Variants in ATP6V0D2 observed in about 807,000 individuals in gnomAD.
The protein encoded by ATP6V0D2 is V-type proton ATPase subunit d 2.
ATP6V0D2 carries 40 observed loss-of-function variants against 40.0 expected under a neutral mutation model. The observed-to-expected ratio is 1.00, with a 90% CI of 0.78 to 1.30. The LOEUF (loss-of-function observed/expected upper bound fraction) is 1.30. Among genes scored for constraint, ATP6V0D2 ranks in the 50% most tolerant of loss-of-function variants. The pLI is 0.00. For missense variants in ATP6V0D2, 470 were observed against 423.1 expected (o/e 1.11, Z -0.97); for synonymous variants, 179 against 156.3 (o/e 1.15, Z -1.08).
chr8:86,139,585 CAG>C lies in ATP6V0D2; in HGVS notation c.435_436del (p.Glu145AspfsTer7). 1 of 1,613,380 alleles carries C rather than the reference CAG, an allele frequency of 6.2e-7. No individual in the cohort carries two copies. Among genetic ancestry groups the C allele is most frequent in the Non-Finnish European group, 8.5e-7 (1 of 1,179,704 alleles). On this transcript the variant is annotated frameshift_variant, in exon 3 of 8. Coordinates refer to ENST00000285393, the MANE Select transcript of ATP6V0D2 (RefSeq NM_152565.1). LOFTEE classifies it high-confidence loss of function. ...ACAGAAATGGAAGCTGTCAACATTG[CAG>C]AGACACCTTCAGATCTCTTTAATGC...
intron 1 of ATP6V0D2, among the ~76,000 whole-genome samples, chr8:86,100,243 T>G (rs1818378280): frequency 6.6e-6 from 1 of 152,002 alleles, no homozygotes; most frequent in Non-Finnish European, 1.5e-5. Context: ...TTACCAAAGA[T>G]TCCACGTCTG....
chr8:86,116,505 A>G (rs1349315878), intron 2 of ATP6V0D2, among the ~76,000 whole-genome samples: 1 of 152,162 alleles, frequency 6.6e-6, no homozygotes, highest in East Asian at 1.9e-4. Flanking sequence ...CATGCCTGGA[A>G]AACATCATAC....
chr8:86,121,888 A>G (rs1046809197), intron 2 of ATP6V0D2, among the ~76,000 whole-genome samples: 7 of 152,234 alleles, frequency 4.6e-5, no homozygotes, highest in African/African-American at 1.7e-4. Flanking sequence ...GGTATAATAA[A>G]TACAATCTTA....
At position 86,115,358 on chromosome 8, in the gene ATP6V0D2, A is replaced by ATTTTTTTTTTT. The variant is rs564384965; in HGVS notation, c.302+1496_302+1506dup. Among the ~76,000 whole-genome samples, 32 of 73,280 alleles carry ATTTTTTTTTTT rather than the reference A, an allele frequency of 4.4e-4. 4 individuals are homozygous for ATTTTTTTTTTT. Among genetic ancestry groups the ATTTTTTTTTTT allele is most frequent in the African/African-American group, 1.2e-3 (22 of 17,848 alleles). The allele number at this position is 73,280 out of a possible 152,430, so 48.1% of individuals were successfully genotyped here. ...CTTTCTTTGTCCTTCCGTATCATCCATTTTTTTTTTTTTTTTTTTTTTTTT... is the reference window on the plus strand; with the variant it reads ...CTTTCTTTGTCCTTCCGTATCATCCATTTTTTTTTTTTTTTTTTTTTTTTTTTTTTTTTTTT... On this transcript the variant is annotated intron_variant, in intron 2 of 7. Coordinates refer to ENST00000285393, the MANE Select transcript of ATP6V0D2 (RefSeq NM_152565.1).
At chr8:86,126,461 A>G (rs1818747247) in intron 2 of ATP6V0D2, among the ~76,000 whole-genome samples, 1 of 151,582 alleles carries the variant, frequency 6.6e-6, no homozygotes, top group Non-Finnish European at 1.5e-5. Flanking sequence ...GTAAATAACT[A>G]TGTTTGAAAT....
Position 86,118,670 on chromosome 8 carries a change from T to C in ATP6V0D2, c.302+4790T>C, listed in dbSNP as rs566632470. On this transcript the variant is annotated intron_variant, in intron 2 of 7. Coordinates refer to ENST00000285393, the MANE Select transcript of ATP6V0D2 (RefSeq NM_152565.1). ...CAAAAATACCTGGCATGGATAATTA[T>C]GGAAACAGTAAAGATTCCTGAGCTG... Among the ~76,000 whole-genome samples the C allele has an allele frequency of 3.3e-5, 5 of 152,218 alleles. No homozygotes were observed. The South Asian group carries it at 1.0e-3, about 32-fold the overall frequency.
intron 2 of ATP6V0D2, among the ~76,000 whole-genome samples, chr8:86,127,506 A>T (rs1818760814): frequency 6.6e-6 from 1 of 151,368 alleles, no homozygotes; most frequent in African/African-American, 2.4e-5. Flanking sequence ...CCCAGGCTGC[A>T]GTGCAGTGGT....
intron 1 of ATP6V0D2, among the ~76,000 whole-genome samples, chr8:86,108,910 A>G (rs1818502254): frequency 6.6e-6 from 1 of 152,146 alleles, no homozygotes; most frequent in Non-Finnish European, 1.5e-5. Context: ...CATTCACACT[A>G]TGTGATAGAC....
intron 6 of ATP6V0D2, 111 bp downstream of exon 6, chr8:86,150,399 G>A (rs749284804): frequency 7.4e-5 from 82 of 1,108,722 alleles, no homozygotes; most frequent in Non-Finnish European, 9.4e-5. Flanking sequence ...AATAATATTT[G>A]TAAGGTAGCA....
chr8:86,153,759 T>A lies in ATP6V0D2; in HGVS notation c.*782T>A, dbSNP rs1355146486. On this transcript the variant is annotated 3_prime_UTR_variant, in exon 8 of 8. Coordinates refer to ENST00000285393, the MANE Select transcript of ATP6V0D2 (RefSeq NM_152565.1). Reference sequence around the variant, plus strand: ...CAAGTGTTGGAAAATGTGTTTTTTGTTTTGTTTTGTTTTGTTTCGTTTTGT... The same window carrying A: ...CAAGTGTTGGAAAATGTGTTTTTTGATTTGTTTTGTTTTGTTTCGTTTTGT... 6.6e-6 allele frequency: 1 copy of A among 152,008 alleles called. No homozygotes were observed. The highest frequency in any genetic ancestry group is 1.5e-5 in the Non-Finnish European group (1 of 68,114). 9.4% of individuals were successfully genotyped at this position (152,008 alleles called of 1,614,324 possible).
intron 2 of ATP6V0D2, among the ~76,000 whole-genome samples, chr8:86,115,426 T>C (rs771486342): frequency 4.4e-5 from 6 of 136,284 alleles, no homozygotes; most frequent in Non-Finnish European, 7.6e-5. Context: ...TGGAGTACAA[T>C]GGCGTGATCT....
chr8:86,146,586 C>T (rs1012377058), intron 5 of ATP6V0D2, among the ~76,000 whole-genome samples: 1 of 152,134 alleles, frequency 6.6e-6, no homozygotes, highest in African/African-American at 2.4e-5. Flanking sequence ...GTCCTGGCTA[C>T]TCAGGAGGCT....
intron 1 of ATP6V0D2, among the ~76,000 whole-genome samples, chr8:86,105,017 T>G (rs1818451369): frequency 6.6e-6 from 1 of 152,144 alleles, no homozygotes; most frequent in Non-Finnish European, 1.5e-5. Flanking sequence ...TATCCCATGT[T>G]CCTGGAAAGC....
chr8:86,132,833 A>G (rs570998721), intron 2 of ATP6V0D2, among the ~76,000 whole-genome samples: 1 of 152,258 alleles, frequency 6.6e-6, no homozygotes, highest in South Asian at 2.1e-4. Flanking sequence ...TTTCTTTAGT[A>G]TAGATACCCA....
intron 1 of ATP6V0D2, among the ~76,000 whole-genome samples, chr8:86,103,296 T>TTC (rs1437572437): frequency 6.6e-6 from 1 of 151,098 alleles, no homozygotes; most frequent in Admixed American, 6.6e-5. Flanking sequence ...TTTGTATTTT[T>TTC]TTTTTTTTTT....
chr8:86,113,472 ACT>A (rs1818551774), intron 1 of ATP6V0D2, among the ~76,000 whole-genome samples: 1 of 151,862 alleles, frequency 6.6e-6, no homozygotes, highest in African/African-American at 2.4e-5. Flanking sequence ...ACAGAGGGAG[ACT>A]CCCTCTCAAA....
At chr8:86,131,579 C>A (rs1032180001) in intron 2 of ATP6V0D2, among the ~76,000 whole-genome samples, 4 of 152,086 alleles carry the variant, frequency 2.6e-5, no homozygotes, top group Non-Finnish European at 5.9e-5. Context: ...CAGCTCACTG[C>A]AACTTCTGCC....
At chr8:86,150,372 T>G in intron 6 of ATP6V0D2, 84 bp downstream of exon 6, 1 of 1,336,068 alleles carries the variant, frequency 7.5e-7, no homozygotes, top group Middle Eastern at 1.9e-4. Context: ...AAATTTCCGC[T>G]TATACTCAAA....
chr8:86,127,613 G>T (rs950342825), intron 2 of ATP6V0D2, among the ~76,000 whole-genome samples: 2 of 151,944 alleles, frequency 1.3e-5, no homozygotes, highest in African/African-American at 2.4e-5. Context: ...TTGTAGAGAG[G>T]CACCTTTGCC....
Sources: allele counts gnomAD v4.1 joint callset (sites outside exome capture counted in the v4.1 genomes callset), GRCh38; gene constraint gnomAD v4.1.1; transcripts MANE v1.5; gene names NCBI Gene and HGNC (gene_info 2026-07-23, HGNC 2026-07-21).